The following CIAO2A variants were observed in gnomAD, a reference collection of about 807,000 sequenced individuals.
CIAO2A encodes cytosolic iron-sulfur assembly component 2A.
Under a neutral mutation model 22.4 loss-of-function variants are expected in CIAO2A, and 17 were observed. The ratio of observed to expected loss-of-function variants is 0.76; its 90% CI spans 0.52 to 1.14. CIAO2A has a LOEUF of 1.14. Among genes scored for constraint, CIAO2A ranks in the 50% most tolerant of loss-of-function variants. The pLI is 0.00. For synonymous variants in CIAO2A, 74 were observed against 72.3 expected (o/e 1.02, Z -0.12); for missense variants, 192 against 191.4 (o/e 1.00, Z -0.02).
intron 2 of CIAO2A, among the ~76,000 whole-genome samples, chr15:64,086,353 A>G (rs1011992213): frequency 1.3e-5 from 2 of 151,906 alleles, no homozygotes; most frequent in Non-Finnish European, 2.9e-5. Flanking sequence ...CGGAGGTTGC[A>G]GTAAGCCAAG....
chr15:64,090,423 C>T (rs1213982356), intron 1 of CIAO2A: 1 of 152,514 alleles, frequency 6.6e-6, no homozygotes, highest in Non-Finnish European at 1.5e-5. Flanking sequence ...GTTTGCTGGC[C>T]TTTGAGTTTT....
chr15:64,080,320 G>A (rs538629583), intron 3 of CIAO2A, among the ~76,000 whole-genome samples: 4 of 151,894 alleles, frequency 2.6e-5, no homozygotes, highest in Non-Finnish European at 4.4e-5. Flanking sequence ...CCCTGGAGGC[G>A]GAGGTTGCAG....
chr15:64,087,753 A>T (rs1368515868), intron 2 of CIAO2A, among the ~76,000 whole-genome samples: 1 of 152,176 alleles, frequency 6.6e-6, no homozygotes, highest in South Asian at 2.1e-4. Context: ...ATGGTTTGAA[A>T]ATGTAAAAAC....
chr15:64,073,095 T>C (rs2141272744), intron 4 of CIAO2A, 67 bp from the exon 5 acceptor site: 1 of 1,063,490 alleles, frequency 9.4e-7, no homozygotes, highest in East Asian at 2.6e-5. Context: ...ACAGTATTTT[T>C]ATTAGCCTGC....
At chr15:64,086,273 A>C (rs11853412) in intron 2 of CIAO2A, among the ~76,000 whole-genome samples, 1 of 151,426 alleles carries the variant, frequency 6.6e-6, no homozygotes, top group Non-Finnish European at 1.5e-5. Context: ...TTAGCCAGGC[A>C]TGGTGGCGGG....
At chr15:64,076,898 G>C (rs530518839) in intron 3 of CIAO2A, among the ~76,000 whole-genome samples, 1 of 151,720 alleles carries the variant, frequency 6.6e-6, no homozygotes, top group African/African-American at 2.4e-5. Context: ...TAGAGACCGC[G>C]TATCGCCATA....
At chr15:64,082,944 G>A (rs1263254129) in intron 2 of CIAO2A, among the ~76,000 whole-genome samples, 2 of 152,056 alleles carry the variant, frequency 1.3e-5, no homozygotes, top group East Asian at 1.9e-4. Flanking sequence ...GCTCATGCCT[G>A]TAATCCCAGC....
At chr15:64,076,425 C>A (rs1276973713) in intron 3 of CIAO2A, among the ~76,000 whole-genome samples, 1 of 152,144 alleles carries the variant, frequency 6.6e-6, no homozygotes, top group Non-Finnish European at 1.5e-5. Context: ...TCATTATTAT[C>A]ATGCTAAATT....
chr15:64,083,126 T>C (rs2080769143), intron 2 of CIAO2A, among the ~76,000 whole-genome samples: 1 of 150,544 alleles, frequency 6.6e-6, no homozygotes, highest in Non-Finnish European at 1.5e-5. Flanking sequence ...AATAACCTGT[T>C]ATGCAATGTG....
intron 3 of CIAO2A, among the ~76,000 whole-genome samples, chr15:64,079,808 C>T (rs1411237316): frequency 6.6e-6 from 1 of 152,086 alleles, no homozygotes; most frequent in Non-Finnish European, 1.5e-5. Flanking sequence ...AAATTAAAAA[C>T]AAATTAGACT....
intron 2 of CIAO2A, among the ~76,000 whole-genome samples, chr15:64,084,879 G>A (rs2080781949): frequency 6.6e-6 from 1 of 152,054 alleles, no homozygotes; most frequent in Non-Finnish European, 1.5e-5. Flanking sequence ...GATCACTTGA[G>A]GTCACAAGTT....
chr15:64,085,731 C>T (rs924785645), intron 2 of CIAO2A, among the ~76,000 whole-genome samples: 26 of 151,342 alleles, frequency 1.7e-4, no homozygotes, highest in African/African-American at 6.1e-4. Context: ...TTTTTTGAGA[C>T]GGAGTCTCGC....
At chr15:64,073,157 A>C (rs2080687565) in intron 4 of CIAO2A, 129 bp from the exon 5 acceptor site, 2 of 575,026 alleles carry the variant, frequency 3.5e-6, no homozygotes, top group Non-Finnish European at 6.1e-6. Flanking sequence ...TTGGCTAATT[A>C]CTCATAATGT....
Position 64,093,820 on chromosome 15 carries a change from A to C in CIAO2A, c.-52T>G. 1 of 1,594,764 alleles carries C rather than the reference A, an allele frequency of 6.3e-7. No homozygotes were observed. The highest frequency in any genetic ancestry group is 1.3e-5 in the African/African-American group (1 of 74,540). On this transcript the variant is annotated 5_prime_UTR_variant, in exon 1 of 5. Coordinates refer to ENST00000300030, the MANE Select transcript of CIAO2A (RefSeq NM_032231.7). ...TGTCCCAATCGCGCCACCGTCTCTC[A>C]GCAGCCTCGGGATTGATCAACTTCC...
chr15:64,073,751 C>G (rs748695482), intron 4 of CIAO2A: 1 of 152,156 alleles, frequency 6.6e-6, no homozygotes, highest in Non-Finnish European at 1.5e-5. Flanking sequence ...CCACACCTGG[C>G]TAATTTTCAA....
chr15:64,076,541 T>C (rs1758871742), intron 3 of CIAO2A, among the ~76,000 whole-genome samples: 1 of 152,028 alleles, frequency 6.6e-6, no homozygotes, highest in Admixed American at 6.6e-5. Context: ...CCTACAAAAT[T>C]ATTGCAAATC....
At chr15:64,084,992 C>A (rs1426772623) in intron 2 of CIAO2A, among the ~76,000 whole-genome samples, 3 of 149,960 alleles carry the variant, frequency 2.0e-5, no homozygotes, top group Admixed American at 6.7e-5. Context: ...ACTCGGGAGG[C>A]TGAAGCGGAG....
At chr15:64,086,662 G>A (rs1282707045) in intron 2 of CIAO2A, among the ~76,000 whole-genome samples, 2 of 150,164 alleles carry the variant, frequency 1.3e-5, no homozygotes, top group Admixed American at 6.6e-5. Context: ...TGCTTAGGCT[G>A]GAGTGCAGTG....
intron 1 of CIAO2A, among the ~76,000 whole-genome samples, chr15:64,092,462 A>T (rs1411346305): frequency 6.6e-6 from 1 of 152,158 alleles, no homozygotes; most frequent in Non-Finnish European, 1.5e-5. Flanking sequence ...TGTATCTCTT[A>T]TTCAGTCTAC....
Sources: gnomAD v4.1 joint callset for allele counts (sites outside exome capture counted in the v4.1 genomes callset) on GRCh38, gnomAD v4.1.1 for gene constraint, MANE v1.5 for transcripts, NCBI Gene and HGNC (gene_info 2026-07-23, HGNC 2026-07-21) for gene names.